Variants in AKAP13 observed in about 807,000 individuals in gnomAD.
AKAP13 encodes the protein A-kinase anchor protein 13.
AKAP13 carries 80 observed loss-of-function variants against 264.5 expected under a neutral mutation model. The observed-to-expected ratio is 0.30, with a 90% CI of 0.25 to 0.36. The LOEUF (loss-of-function observed/expected upper bound fraction) is 0.36. Ranked by LOEUF, AKAP13 falls within the 10% of genes least tolerant of loss-of-function variation. The probability of loss-of-function intolerance (pLI) is 1.00; values close to 1 mark genes in which losing one functional copy is unlikely to be tolerated. For missense variants in AKAP13, 3,712 were observed against 3,435.2 expected, an observed-to-expected ratio of 1.08 and a Z score of -2.01; for synonymous variants, 1,380 against 1,250.2, an observed-to-expected ratio of 1.10 and a Z score of -2.19.
At chr15:85,602,028 A>G (rs564209024) in intron 8 of AKAP13, among the ~76,000 whole-genome samples, 1 of 152,140 alleles carries the variant, frequency 6.6e-6, no homozygotes, top group South Asian at 2.1e-4. Context: ...TGAAGTATAT[A>G]AAGAAAATTA....
chr15:85,617,592 A>T (rs2080998790), intron 8 of AKAP13, among the ~76,000 whole-genome samples: 1 of 152,186 alleles, frequency 6.6e-6, no homozygotes, highest in African/African-American at 2.4e-5. Context: ...AGAGAGACAG[A>T]TGCCTGGGAA....
Position 85,533,629 on chromosome 15 carries a change from A to G in AKAP13, c.227A>G (p.Lys76Arg). The change falls in exon 4 of 37, where the codon AAA becomes AGA. Residue 76 changes from lysine (K) to arginine (R), a missense_variant. Transcript: ENST00000394518. ...ETVKVQLCAS[K>R]EGLPVFVVAE... is the part of the protein sequence containing the mutation. ...GTGAAGGTGCAGCTCTGTGCTTCCAAAGAGGGCCTTCCCGTGTTTGTGGTG... is the reference window on the plus strand; with the variant it reads ...GTGAAGGTGCAGCTCTGTGCTTCCAGAGAGGGCCTTCCCGTGTTTGTGGTG... 6.2e-7 allele frequency: 1 copy of G among 1,613,996 alleles called. No homozygotes were observed. The highest frequency in any genetic ancestry group is 8.5e-7 in the Non-Finnish European group (1 of 1,179,936).
intron 17 of AKAP13, among the ~76,000 whole-genome samples, chr15:85,706,511 C>G (rs1449824217): frequency 6.6e-6 from 1 of 152,124 alleles, no homozygotes; most frequent in Non-Finnish European, 1.5e-5. Flanking sequence ...CAAGAAGGGA[C>G]TAGGGTCATA....
At chr15:85,594,715 G>A (rs754233175) in intron 8 of AKAP13, among the ~76,000 whole-genome samples, 26 of 152,176 alleles carry the variant, frequency 1.7e-4, no homozygotes, top group Non-Finnish European at 7.4e-5. Context: ...AAAATTAAAA[G>A]AGAGATGTCA....
intron 13 of AKAP13, among the ~76,000 whole-genome samples, chr15:85,666,707 C>T (rs1036179994): frequency 9.9e-5 from 15 of 152,172 alleles, no homozygotes; most frequent in Non-Finnish European, 2.1e-4. Context: ...AGCCACTGTG[C>T]CTGGCCTTTG....
rs1257001328 is a variant in AKAP13, at chr15:85,546,179, G to GA, written c.662+2226dup. ...TACGTACTTCAAAATTGCTAAAAAA[G>GA]AATGTATTTCTCACCACAAAAAAAT... On this transcript the variant is annotated intron_variant, in intron 5 of 36. Transcript: ENST00000394518. Among the ~76,000 whole-genome samples, 3 of 152,084 alleles carry GA rather than the reference G, an allele frequency of 2.0e-5. No homozygotes were observed. The East Asian group carries it at 5.8e-4, about 29-fold the overall frequency.
At chr15:85,485,292 A>G (rs961815076) in intron 1 of AKAP13, among the ~76,000 whole-genome samples, 15 of 152,120 alleles carry the variant, frequency 9.9e-5, no homozygotes, top group African/African-American at 3.6e-4. Context: ...GTCCCTTGCA[A>G]TCCTCCCCTC....
chr15:85,412,120 T>G (rs1317679690), intron 1 of AKAP13, among the ~76,000 whole-genome samples: 1 of 152,172 alleles, frequency 6.6e-6, no homozygotes, highest in Non-Finnish European at 1.5e-5. Flanking sequence ...GCAAAAATCA[T>G]GCTTGGGTAA....
At chr15:85,610,533 T>C (rs2080559057) in intron 8 of AKAP13, among the ~76,000 whole-genome samples, 1 of 152,248 alleles carries the variant, frequency 6.6e-6, no homozygotes, top group Non-Finnish European at 1.5e-5. Context: ...TGTCAGTGTT[T>C]TGTTTTCTTC....
chr15:85,460,005 G>T (rs2074445342), intron 1 of AKAP13, among the ~76,000 whole-genome samples: 1 of 152,138 alleles, frequency 6.6e-6, no homozygotes, highest in South Asian at 2.1e-4. Flanking sequence ...CAGGACAGCT[G>T]CAGTAGCCTC....
At chr15:85,459,622 C>T (rs1205804364) in intron 1 of AKAP13, among the ~76,000 whole-genome samples, 3 of 151,980 alleles carry the variant, frequency 2.0e-5, no homozygotes, top group African/African-American at 4.8e-5. Context: ...GCCTCAGCCT[C>T]CTGAGTAGCT....
intron 1 of AKAP13, among the ~76,000 whole-genome samples, chr15:85,441,920 T>C (rs2073668487): frequency 1.3e-5 from 2 of 152,204 alleles, no homozygotes; most frequent in Non-Finnish European, 2.9e-5. Flanking sequence ...TCTATCATAG[T>C]TCACTTTGCT....
intron 1 of AKAP13, among the ~76,000 whole-genome samples, chr15:85,468,630 A>T (rs777464926): frequency 2.6e-5 from 4 of 152,198 alleles, no homozygotes; most frequent in Non-Finnish European, 4.4e-5. Context: ...AAGCACAACA[A>T]GTAGTTTCTA....
chr15:85,503,657 G>T (rs1275588532), intron 2 of AKAP13, among the ~76,000 whole-genome samples: 6 of 152,218 alleles, frequency 3.9e-5, no homozygotes. Context: ...TCTGCCTGCA[G>T]TGGGTGAGGC....
chr15:85,561,859 G>A (rs536434229), intron 5 of AKAP13, among the ~76,000 whole-genome samples: 12 of 152,256 alleles, frequency 7.9e-5, no homozygotes, highest in Admixed American at 2.0e-4. Flanking sequence ...TCCATAGTAC[G>A]CAATGATCTA....
chr15:85,445,850 C>T (rs1465950483), intron 1 of AKAP13, among the ~76,000 whole-genome samples: 1 of 152,122 alleles, frequency 6.6e-6, no homozygotes, highest in African/African-American at 2.4e-5. Flanking sequence ...TCTATGGATA[C>T]ATAATTGTAC....
intron 1 of AKAP13, among the ~76,000 whole-genome samples, chr15:85,436,055 C>G (rs1596162883): frequency 7.0e-6 from 1 of 143,844 alleles, no homozygotes; most frequent in Admixed American, 7.0e-5. Context: ...CATCAGTGTG[C>G]TGTATTCAGG....
intron 9 of AKAP13, among the ~76,000 whole-genome samples, chr15:85,644,583 C>T (rs886853248): frequency 6.7e-6 from 1 of 149,068 alleles, no homozygotes; most frequent in Non-Finnish European, 1.5e-5. Context: ...GGCCCAGTGG[C>T]TCACACCTGT....
chr15:85,711,645 G>T (rs543455209), intron 19 of AKAP13, among the ~76,000 whole-genome samples: 1 of 152,300 alleles, frequency 6.6e-6, no homozygotes, highest in East Asian at 1.9e-4. Flanking sequence ...TTTGCTTCCA[G>T]CTACTACCAT....
Sources: allele counts gnomAD v4.1 joint callset (sites outside exome capture counted in the v4.1 genomes callset), GRCh38; gene constraint gnomAD v4.1.1; transcripts MANE v1.5; gene names NCBI Gene and HGNC (gene_info 2026-07-23, HGNC 2026-07-21).